The following THSD7B variants were observed in gnomAD, a reference collection of about 807,000 sequenced individuals.
THSD7B encodes the protein thrombospondin type 1 domain containing 7B.
THSD7B carries 138 observed loss-of-function variants against 213.6 expected under a neutral mutation model. That is an observed-to-expected ratio of 0.65 (90% CI 0.56 to 0.74). THSD7B has a LOEUF of 0.74. Among genes scored for constraint, THSD7B ranks in the 30% least tolerant of loss-of-function variants. THSD7B has a pLI of 0.00. For synonymous variants in THSD7B, 742 were observed against 687.0 expected, an observed-to-expected ratio of 1.08 and a Z score of -1.25; for missense variants, 1,931 against 1,991.5, an observed-to-expected ratio of 0.97 and a Z score of 0.58.
intron 14 of THSD7B, among the ~76,000 whole-genome samples, chr2:137,412,854 A>G (rs915326895): frequency 6.6e-6 from 1 of 151,178 alleles, no homozygotes; most frequent in South Asian, 2.1e-4. Context: ...AATCATTACA[A>G]TGGAGCCTCT....
intron 1 of THSD7B, among the ~76,000 whole-genome samples, chr2:136,836,055 T>C (rs1478296986): frequency 6.6e-6 from 1 of 152,210 alleles, no homozygotes; most frequent in Non-Finnish European, 1.5e-5. Context: ...GGGAAGAACA[T>C]GCAGCTGTTG....
intron 1 of THSD7B, among the ~76,000 whole-genome samples, chr2:136,794,064 G>A (rs78878278): frequency 2.0e-5 from 3 of 150,542 alleles, no homozygotes; most frequent in African/African-American, 7.3e-5. Context: ...TTTCCGTGTG[G>A]TGATGCCCCT....
At chr2:137,242,143 A>T (rs901943362) in intron 9 of THSD7B, among the ~76,000 whole-genome samples, 4 of 152,160 alleles carry the variant, frequency 2.6e-5, no homozygotes, top group Non-Finnish European at 5.9e-5. Context: ...CCTTCTGAAA[A>T]AGATAAAATT....
At chr2:136,982,024 G>C (rs1186670506) in intron 2 of THSD7B, among the ~76,000 whole-genome samples, 2 of 152,150 alleles carry the variant, frequency 1.3e-5, no homozygotes, top group South Asian at 4.1e-4. Flanking sequence ...TACTCTCAAG[G>C]AACTTACAAC....
chr2:136,899,700 G>A (rs1461807506), intron 2 of THSD7B, among the ~76,000 whole-genome samples: 1 of 152,196 alleles, frequency 6.6e-6, no homozygotes, highest in Non-Finnish European at 1.5e-5. Context: ...GGGCATTCAT[G>A]TGTTGGATGC....
chr2:137,140,196 A>AT, intron 5 of THSD7B, among the ~76,000 whole-genome samples: 1 of 152,204 alleles, frequency 6.6e-6, no homozygotes, highest in East Asian at 1.9e-4. Context: ...CATGCAGAAT[A>AT]TTTTTTCAAA....
At chr2:137,541,855 C>CA (rs71677331) in intron 15 of THSD7B, among the ~76,000 whole-genome samples, 5,657 of 149,348 alleles carry the variant, frequency 0.038, 168 homozygotes, top group Admixed American at 0.083. Context: ...TTTGGGCAGA[C>CA]AAAAAAAAAT....
At chr2:137,362,777 A>G (rs1473377891) in intron 12 of THSD7B, among the ~76,000 whole-genome samples, 2 of 152,196 alleles carry the variant, frequency 1.3e-5, no homozygotes, top group Non-Finnish European at 2.9e-5. Flanking sequence ...ACTCCCACAC[A>G]ATAATAATGG....
intron 27 of THSD7B, among the ~76,000 whole-genome samples, chr2:137,674,193 A>T (rs1683644525): frequency 6.6e-6 from 1 of 152,084 alleles, no homozygotes; most frequent in African/African-American, 2.4e-5. Flanking sequence ...GGATTGTCTA[A>T]TTTCTCCTTG....
chr2:137,331,586 C>A (rs1487200953), intron 12 of THSD7B, among the ~76,000 whole-genome samples: 1 of 152,234 alleles, frequency 6.6e-6, no homozygotes, highest in Admixed American at 6.5e-5. Context: ...GAGCTGCCTG[C>A]CAGTCCTGTG....
At chr2:137,482,728 A>G (rs6713434) in intron 15 of THSD7B, among the ~76,000 whole-genome samples, 4,163 of 150,698 alleles carry the variant, frequency 0.028, 208 homozygotes, top group African/African-American at 0.096. Flanking sequence ...GTTTATTGTT[A>G]GTATTGCTTT....
intron 12 of THSD7B, among the ~76,000 whole-genome samples, chr2:137,305,917 A>C (rs1683730492): frequency 6.6e-6 from 1 of 152,196 alleles, no homozygotes; most frequent in African/African-American, 2.4e-5. Flanking sequence ...ATGTTACTGT[A>C]CTGAATACTG....
intron 10 of THSD7B, among the ~76,000 whole-genome samples, chr2:137,260,645 G>C (rs1234013308): frequency 6.6e-6 from 1 of 152,144 alleles, no homozygotes; most frequent in Non-Finnish European, 1.5e-5. Flanking sequence ...CACTCCTGTA[G>C]TCCCAGCTAC....
intron 1 of THSD7B, among the ~76,000 whole-genome samples, chr2:136,811,142 T>C (rs10188754): frequency 0.034 from 5,143 of 152,280 alleles, 289 homozygotes; most frequent in African/African-American, 0.12. Flanking sequence ...GGCCCTCTAG[T>C]GTCCTCTTCC....
intron 1 of THSD7B, among the ~76,000 whole-genome samples, chr2:136,853,619 T>C (rs981972757): frequency 1.3e-5 from 2 of 152,164 alleles, no homozygotes; most frequent in African/African-American, 4.8e-5. Flanking sequence ...TGTGTTTGAG[T>C]AACATTTTGT....
intron 1 of THSD7B, among the ~76,000 whole-genome samples, chr2:136,796,681 G>T (rs988052341): frequency 6.6e-6 from 1 of 151,784 alleles, no homozygotes; most frequent in Non-Finnish European, 1.5e-5. Flanking sequence ...ATCAATTCTG[G>T]GAGTTTTGAG....
chr2:136,802,424 GC>G (rs1682199715), intron 1 of THSD7B, among the ~76,000 whole-genome samples: 1 of 151,530 alleles, frequency 6.6e-6, no homozygotes, highest in Admixed American at 6.6e-5. Context: ...TATAACATGA[GC>G]AATAAAGATA....
intron 2 of THSD7B, among the ~76,000 whole-genome samples, chr2:136,936,442 T>C (rs1457450373): frequency 6.6e-6 from 1 of 151,920 alleles, no homozygotes. Context: ...AATCAATGAG[T>C]GGATAAAGAA....
chr2:137,449,210 C>G (rs1298221668), intron 14 of THSD7B, among the ~76,000 whole-genome samples: 1 of 152,000 alleles, frequency 6.6e-6, no homozygotes, highest in East Asian at 1.9e-4. Context: ...AGATCTTGAA[C>G]TAGGGCCTGA....
Sources: gnomAD v4.1 joint callset for allele counts (sites outside exome capture counted in the v4.1 genomes callset) on GRCh38, gnomAD v4.1.1 for gene constraint, MANE v1.5 for transcripts, NCBI Gene and HGNC (gene_info 2026-07-23, HGNC 2026-07-21) for gene names.